MAPK8: variants seen among roughly 807,000 people sequenced by gnomAD.
The protein encoded by MAPK8 is mitogen-activated protein kinase 8, also known as JUN N-terminal kinase.
MAPK8 carries 13 observed loss-of-function variants against 52.9 expected under a neutral mutation model. The ratio of observed to expected loss-of-function variants is 0.25; its 90% confidence interval spans 0.16 to 0.39. The LOEUF (loss-of-function observed/expected upper bound fraction) is 0.39. MAPK8 is among the 10% of genes least tolerant of loss of function. The pLI, the probability that MAPK8 is intolerant of heterozygous loss-of-function variation, is 1.00. For missense variants in MAPK8, 300 were observed against 519.2 expected (o/e 0.58, Z 4.10); for synonymous variants, 191 against 169.8 (o/e 1.12, Z -0.97).
At chr10:48,414,046 C>T (rs945736541) in intron 5 of MAPK8, among the ~76,000 whole-genome samples, 2 of 151,456 alleles carry the variant, frequency 1.3e-5, no homozygotes, top group African/African-American at 4.9e-5. Context: ...ACTCCACATC[C>T]ACTCATCTTT....
chr10:48,324,502 A>AT (rs1554810394), intron 1 of MAPK8, among the ~76,000 whole-genome samples: 1 of 54,348 alleles, frequency 1.8e-5, no homozygotes, highest in South Asian at 5.8e-4. Flanking sequence ...CCTGTTTTCT[A>AT]GTTTTTTTTT....
chr10:48,313,288 C>G (rs776256730), intron 1 of MAPK8, among the ~76,000 whole-genome samples: 3 of 152,056 alleles, frequency 2.0e-5, no homozygotes, highest in Non-Finnish European at 4.4e-5. Flanking sequence ...CAAAAATTAG[C>G]TGGGCGTGGT....
At chr10:48,356,926 ATGGT>A (rs1234094678) in intron 1 of MAPK8, among the ~76,000 whole-genome samples, 1 of 149,574 alleles carries the variant, frequency 6.7e-6, no homozygotes, top group African/African-American at 2.4e-5. Context: ...AAAGTTTAAA[ATGGT>A]TGAAAGTAAA....
chr10:48,386,425 A>G (rs1333362078), intron 1 of MAPK8, among the ~76,000 whole-genome samples: 1 of 152,196 alleles, frequency 6.6e-6, no homozygotes, highest in East Asian at 1.9e-4. Context: ...GAAATAGTAT[A>G]TTCTTACAAA....
At chr10:48,323,871 A>T (rs1028992266) in intron 1 of MAPK8, among the ~76,000 whole-genome samples, 2 of 152,164 alleles carry the variant, frequency 1.3e-5, no homozygotes, top group African/African-American at 4.8e-5. Flanking sequence ...TCCATCTTCC[A>T]GTATATGTGT....
At chr10:48,433,305 C>T (rs983675558) in intron 11 of MAPK8, among the ~76,000 whole-genome samples, 3 of 152,098 alleles carry the variant, frequency 2.0e-5, no homozygotes, top group Non-Finnish European at 2.9e-5. Flanking sequence ...AGACCCTGAA[C>T]TAGAGGCATA....
intron 1 of MAPK8, among the ~76,000 whole-genome samples, chr10:48,381,980 G>A (rs1424199608): frequency 2.0e-5 from 3 of 152,094 alleles, no homozygotes; most frequent in Non-Finnish European, 4.4e-5. Flanking sequence ...ACCCATAATG[G>A]AGCCCAGGAC....
At position 48,345,644 on chromosome 10, in the gene MAPK8, A is replaced by G. The variant is rs1307662720; in HGVS notation, c.-50+38823A>G. On this transcript the variant is annotated intron_variant, in intron 1 of 11. Transcript: ENST00000374189. ...CCTATTATTCTTGCTAAGTAGAGCT[A>G]AAATCCCTGGACATTACATTTAAAA... is the stretch of plus-strand genomic sequence containing the variant. Among the ~76,000 whole-genome samples, 9 of 152,370 alleles carry G rather than the reference A, an allele frequency of 5.9e-5. No homozygotes were observed. The East Asian group carries it at 1.7e-3, about 29-fold the overall frequency.
chr10:48,315,345 C>T (rs1842389283), intron 1 of MAPK8, among the ~76,000 whole-genome samples: 1 of 152,194 alleles, frequency 6.6e-6, no homozygotes, highest in African/African-American at 2.4e-5. Context: ...GATCAAAATA[C>T]AGAACACTTC....
intron 1 of MAPK8, among the ~76,000 whole-genome samples, chr10:48,343,060 T>A (rs1845455610): frequency 2.0e-5 from 3 of 152,218 alleles, no homozygotes; most frequent in African/African-American, 7.2e-5. Context: ...GGACAGTGAA[T>A]TATTAAAGAA....
chr10:48,398,563 C>T (rs1479532071), intron 1 of MAPK8, among the ~76,000 whole-genome samples: 1 of 152,124 alleles, frequency 6.6e-6, no homozygotes, highest in Non-Finnish European at 1.5e-5. Flanking sequence ...TAGGGCTCAG[C>T]AATTCCACTC....
intron 3 of MAPK8, among the ~76,000 whole-genome samples, chr10:48,406,661 G>A (rs1471280989): frequency 6.6e-6 from 1 of 152,178 alleles, no homozygotes; most frequent in Non-Finnish European, 1.5e-5. Context: ...ATGGATGGAT[G>A]TTTTTGTAGT....
intron 6 of MAPK8, among the ~76,000 whole-genome samples, chr10:48,420,999 T>G (rs946307059): frequency 2.0e-5 from 3 of 152,246 alleles, no homozygotes; most frequent in Admixed American, 6.5e-5. Context: ...GAAGAAATTT[T>G]GTTGAGTCTT....
chr10:48,370,052 T>C (rs1848408925), intron 1 of MAPK8, among the ~76,000 whole-genome samples: 1 of 152,208 alleles, frequency 6.6e-6, no homozygotes, highest in South Asian at 2.1e-4. Flanking sequence ...TATCAGGGTC[T>C]TGATCATATT....
chr10:48,348,152 G>A (rs770584863), intron 1 of MAPK8, among the ~76,000 whole-genome samples: 1 of 152,204 alleles, frequency 6.6e-6, no homozygotes, highest in Non-Finnish European at 1.5e-5. Flanking sequence ...GTGATGATGA[G>A]CTTTTCTTCA....
At chr10:48,423,985 T>C (rs1052523794) in intron 6 of MAPK8, 103 bp from the exon 7 acceptor site, 1 of 676,882 alleles carries the variant, frequency 1.5e-6, no homozygotes, top group African/African-American at 1.8e-5. Context: ...TTTTTTCTTT[T>C]CGTGACGTTT....
At position 48,435,558 on chromosome 10, in the gene MAPK8, G is replaced by C. The variant is rs1474249331; in HGVS notation, c.*529G>C. 6.6e-6 allele frequency: 1 copy of C among 152,214 alleles called. No homozygotes were observed. The highest frequency in any genetic ancestry group is 1.5e-5 in the Non-Finnish European group (1 of 68,060). The allele number at this position is 152,214 out of a possible 1,614,324, so 9.4% of individuals were successfully genotyped here. A position where few individuals can be genotyped will look rare whatever the true frequency, so the allele number is the denominator to read the frequency against. On this transcript the variant is annotated 3_prime_UTR_variant, in exon 12 of 12. Transcript: ENST00000374189. ...CCAGTTATATTCAGGAATAACTACT[G>C]TAAATGATGAACGTGTTAGGAGACC...
At chr10:48,354,800 A>G (rs1846695788) in intron 1 of MAPK8, among the ~76,000 whole-genome samples, 1 of 152,136 alleles carries the variant, frequency 6.6e-6, no homozygotes, top group African/African-American at 2.4e-5. Flanking sequence ...ATCTAAAAAA[A>G]AAACAGAAAA....
chr10:48,427,905 T>A (rs371728208), intron 10 of MAPK8, among the ~76,000 whole-genome samples: 3 of 152,348 alleles, frequency 2.0e-5, no homozygotes, highest in East Asian at 3.9e-4. Flanking sequence ...TCCATCTCCC[T>A]CTTGGTGACC....
Sources: gnomAD v4.1 joint callset for allele counts (sites outside exome capture counted in the v4.1 genomes callset) on GRCh38, gnomAD v4.1.1 for gene constraint, MANE v1.5 for transcripts, NCBI Gene and HGNC (gene_info 2026-07-23, HGNC 2026-07-21) for gene names.